The following PVALEF variants were observed in gnomAD, a reference collection of about 807,000 sequenced individuals.
The protein encoded by PVALEF is parvalbumin-like EF-hand-containing protein.
PVALEF carries 2 observed loss-of-function variants against 1.2 expected under a neutral mutation model. That is an observed-to-expected ratio of 1.68 (90% CI 0.69 to 5.28). PVALEF has a LOEUF of 5.28. PVALEF is among the 30% of genes most tolerant of loss of function. PVALEF has a pLI of 0.06. For synonymous variants in PVALEF, 16 were observed against 6.5 expected, an observed-to-expected ratio of 2.47 and a Z score of -2.24; for missense variants, 35 against 17.7, an observed-to-expected ratio of 1.97 and a Z score of -1.75.
chr17:81,179,194 G>A (rs768047088), intron 3 of PVALEF, 42 bp downstream of exon 3: 1 of 300,734 alleles, frequency 3.3e-6, no homozygotes, highest in Non-Finnish European at 6.9e-6. Flanking sequence ...TCTGGCCGCT[G>A]AGGTTATCCG....
intron 2 of PVALEF, among the ~76,000 whole-genome samples, chr17:81,175,800 A>G (rs558403733): frequency 6.6e-6 from 1 of 152,362 alleles, no homozygotes; most frequent in East Asian, 1.9e-4. Context: ...TGGATCAAAG[A>G]CCTAAATGTA....
intron 2 of PVALEF, among the ~76,000 whole-genome samples, chr17:81,167,202 A>C (rs1234875422): frequency 6.6e-6 from 1 of 152,228 alleles, no homozygotes; most frequent in Non-Finnish European, 1.5e-5. Flanking sequence ...CTGAGGTGGG[A>C]GGATCACTTG....
rs1446027620 is a variant in PVALEF, at chr17:81,180,977, G to A, written c.-104-146G>A. 20 of 446,054 alleles carry A rather than the reference G, an allele frequency of 4.5e-5. No individual in the cohort carries two copies. In the East Asian group the frequency reaches 7.7e-4, roughly 17 times the overall value. The allele number at this position is 446,054 out of a possible 1,614,324, so 27.6% of individuals were successfully genotyped here. On this transcript the variant is annotated intron_variant, in intron 3 of 6. Coordinates refer to ENST00000637878, the MANE Select transcript of PVALEF (RefSeq NM_001354639.2). ...GCCCAGCAGGTCACAAGGCGCTGCCGTGAGGCGCACAGGATGGCCCGGCCC... is the reference window on the plus strand; with the variant it reads ...GCCCAGCAGGTCACAAGGCGCTGCCATGAGGCGCACAGGATGGCCCGGCCC...
At position 81,183,037 on chromosome 17, in the gene PVALEF, A is replaced by T; in HGVS notation, c.*26A>T. ...CACCATGACTAGCCCTGGCCAGCCA[A>T]GGGGCTCCCATGGGGTAACCGGGGT... On this transcript the variant is annotated 3_prime_UTR_variant, in exon 7 of 7. Coordinates refer to ENST00000637878, the MANE Select transcript of PVALEF (RefSeq NM_001354639.2). The T allele has an allele frequency of 5.0e-6, 2 of 398,698 alleles. No homozygotes were observed. 24.7% of individuals were successfully genotyped at this position (398,698 alleles called of 1,614,324 possible).
rs2061487428 is a variant in PVALEF at position 81,166,075 on chromosome 17, C to T, written c.-508+328C>T. ...GCCCCGGCCCGAGCCGCCGCATCAC[C>T]CAGCGGCCGCCGCAGGTGCGGAGCG... On this transcript the variant is annotated intron_variant, in intron 1 of 6. Coordinates refer to ENST00000637878, the MANE Select transcript of PVALEF (RefSeq NM_001354639.2). 3.1e-6 allele frequency: 3 copies of T among 974,256 alleles called. No homozygotes were observed. In the African/African-American group the frequency reaches 5.3e-5, roughly 17 times the overall value. The allele number at this position is 974,256 out of a possible 1,614,324, so 60.4% of individuals were successfully genotyped here.
At chr17:81,172,879 C>T (rs747426790) in intron 2 of PVALEF, among the ~76,000 whole-genome samples, 2 of 152,028 alleles carry the variant, frequency 1.3e-5, no homozygotes, top group African/African-American at 2.4e-5. Flanking sequence ...GATGTGACAC[C>T]GAGAAAGCGG....
At chr17:81,179,978 T>C (rs1398552983) in intron 3 of PVALEF, among the ~76,000 whole-genome samples, 1 of 152,152 alleles carries the variant, frequency 6.6e-6, no homozygotes, top group African/African-American at 2.4e-5. Context: ...ACAGCTTGTG[T>C]GGCGTCCCGC....
chr17:81,174,149 A>C (rs2061529320), intron 2 of PVALEF, among the ~76,000 whole-genome samples: 1 of 152,192 alleles, frequency 6.6e-6, no homozygotes, highest in Admixed American at 6.5e-5. Flanking sequence ...TCAACCATCC[A>C]TGGTGATAAA....
At chr17:81,179,855 T>C in intron 3 of PVALEF, among the ~76,000 whole-genome samples, 1 of 152,002 alleles carries the variant, frequency 6.6e-6, no homozygotes, top group East Asian at 1.9e-4. Context: ...GCCTGGAGGC[T>C]CCAGGATCTC....
At chr17:81,180,930 C>G (rs1319780461) in intron 3 of PVALEF, among the ~76,000 whole-genome samples, 193 bp from the exon 4 acceptor site, 3 of 152,316 alleles carry the variant, frequency 2.0e-5, no homozygotes, top group Admixed American at 6.5e-5. Context: ...ACCCAACCCC[C>G]CCTGGGGACG....
chr17:81,177,073 C>T (rs184554604), intron 2 of PVALEF, among the ~76,000 whole-genome samples: 11 of 151,562 alleles, frequency 7.3e-5, no homozygotes, highest in Admixed American at 5.3e-4. Flanking sequence ...ACTCCAGTCT[C>T]GCACCACCAA....
rs751275773 is a variant in PVALEF, at chr17:81,165,550, C to T, written c.-705C>T. 2.9e-6 allele frequency: 3 copies of T among 1,030,368 alleles called. No individual in the cohort carries two copies. Among genetic ancestry groups the T allele is most frequent in the South Asian group, 2.7e-5 (2 of 74,126 alleles). 63.8% of individuals were successfully genotyped at this position (1,030,368 alleles called of 1,614,324 possible). ...GAAGAAGCCTCCCACGCCAGGGCCC[C>T]GGACCCAGGAGAGGCCATGGAAAGC... On this transcript the variant is annotated 5_prime_UTR_variant, in exon 1 of 7. Transcript: ENST00000637878.
intron 6 of PVALEF, among the ~76,000 whole-genome samples, chr17:81,182,458 G>A (rs2061558083): frequency 1.3e-5 from 2 of 152,214 alleles, no homozygotes; most frequent in Admixed American, 6.5e-5. Context: ...CACACAAGGT[G>A]GGCTGGGCCT....
In PVALEF at chr17:81,181,132, G is replaced by A. The variant is rs1235544138; in HGVS notation, c.-95G>A. On this transcript the variant is annotated 5_prime_UTR_variant, in exon 4 of 7. Coordinates refer to ENST00000637878, the MANE Select transcript of PVALEF (RefSeq NM_001354639.2). ...CATTCCCACTTTACAGCAGGATCCAGCACCACGCGGCGTCTACGTCTGCTC... is the reference window on the plus strand; with the variant it reads ...CATTCCCACTTTACAGCAGGATCCAACACCACGCGGCGTCTACGTCTGCTC... 6 of 681,298 alleles carry A rather than the reference G, an allele frequency of 8.8e-6. No individual in the cohort carries two copies. Among genetic ancestry groups the A allele is most frequent in the Admixed American group, 2.1e-5 (1 of 48,060 alleles). 42.2% of individuals were successfully genotyped at this position (681,298 alleles called of 1,614,324 possible). A position where few individuals can be genotyped will look rare whatever the true frequency, so the allele number is the denominator to read the frequency against.
intron 2 of PVALEF, among the ~76,000 whole-genome samples, chr17:81,172,674 C>T (rs1006190571): frequency 1.3e-5 from 2 of 152,010 alleles, no homozygotes; most frequent in African/African-American, 4.8e-5. Flanking sequence ...GCAGGAGAAT[C>T]GCTTGAACCC....
chr17:81,177,414 G>A (rs977634333), intron 2 of PVALEF, among the ~76,000 whole-genome samples: 7 of 151,834 alleles, frequency 4.6e-5, no homozygotes, highest in East Asian at 2.0e-4. Flanking sequence ...CGGGCGTGGC[G>A]GCATGCACCT....
chr17:81,171,236 C>A (rs1453148319), intron 2 of PVALEF, among the ~76,000 whole-genome samples: 3 of 152,190 alleles, frequency 2.0e-5, no homozygotes, highest in African/African-American at 7.2e-5. Context: ...CGGCTCTGAA[C>A]AGAAATGAAG....
rs371145746 is a variant in PVALEF at position 81,176,837 on chromosome 17, T to C, written c.-339-2081T>C. Among the ~76,000 whole-genome samples, 21 of 151,980 alleles carry C rather than the reference T, an allele frequency of 1.4e-4. No homozygotes were observed. In the East Asian group the frequency reaches 3.9e-3, roughly 28 times the overall value. On this transcript the variant is annotated intron_variant, in intron 2 of 6. Transcript: ENST00000637878. ...TCTTCATAGCAGCATTATTCACAAT[T>C]GCCAAAAGGTGGACGAAAAATCCAG...
Position 81,181,904 on chromosome 17 carries a change from C to T in PVALEF, c.243-62C>T, listed in dbSNP as rs1253443984. The T allele has an allele frequency of 2.0e-5, 8 of 398,272 alleles. No individual in the cohort carries two copies. The East Asian group carries it at 2.1e-4, about 11-fold the overall frequency. The allele number at this position is 398,272 out of a possible 1,614,324, so 24.7% of individuals were successfully genotyped here. On this transcript the variant is annotated intron_variant, in intron 5 of 6. Coordinates refer to ENST00000637878, the MANE Select transcript of PVALEF (RefSeq NM_001354639.2). ...CCTACAAGGTGGGGGGCGAACGGCT[C>T]GTGAGTCACTGGGCACTGGCCGGAA...
Sources: allele counts gnomAD v4.1 joint callset (sites outside exome capture counted in the v4.1 genomes callset), GRCh38; gene constraint gnomAD v4.1.1; transcripts MANE v1.5; gene names NCBI Gene and HGNC (gene_info 2026-07-23, HGNC 2026-07-21).